The following RABGAP1L variants were observed in gnomAD, a reference collection of about 807,000 sequenced individuals.
RABGAP1L encodes rab GTPase-activating protein 1-like.
Under a neutral mutation model 137.7 loss-of-function variants are expected in RABGAP1L, and 63 were observed. The observed-to-expected ratio is 0.46, with a 90% confidence interval of 0.37 to 0.56. The LOEUF is 0.56. RABGAP1L is among the 20% of genes least tolerant of loss of function. RABGAP1L has a pLI of 0.00. For synonymous variants in RABGAP1L, 431 were observed against 433.7 expected (o/e 0.99, Z 0.08); for missense variants, 1,095 against 1,244.0 (o/e 0.88, Z 1.80).
chr1:174,406,163 ACTGT>A (rs1483725457), intron 13 of RABGAP1L, among the ~76,000 whole-genome samples: 3 of 152,086 alleles, frequency 2.0e-5, no homozygotes, highest in Admixed American at 6.5e-5. Flanking sequence ...TCTTTCATTT[ACTGT>A]CTGTCTATAG....
At chr1:174,393,934 G>T in intron 12 of RABGAP1L, 61 bp from the exon 13 acceptor site, 2 of 1,555,382 alleles carry the variant, frequency 1.3e-6, no homozygotes, top group South Asian at 2.4e-5. Context: ...TACTTTTCAT[G>T]GCAACAGCAG....
At position 174,993,907 on chromosome 1, in the gene RABGAP1L, T is replaced by C. The variant is rs1399968320; in HGVS notation, c.*3906T>C. On this transcript the variant is annotated 3_prime_UTR_variant, in exon 26 of 26. Coordinates refer to ENST00000681986, the MANE Select transcript of RABGAP1L (RefSeq NM_001366446.1). ...TTGTATGATTTGAACACTATTAGGTTTGTATGTGTGTTTAATTGGAAGAAT... is the reference window on the plus strand; with the variant it reads ...TTGTATGATTTGAACACTATTAGGTCTGTATGTGTGTTTAATTGGAAGAAT... 6.6e-6 allele frequency: 1 copy of C among 152,180 alleles called. No individual in the cohort carries two copies. The highest frequency in any genetic ancestry group is 1.9e-4 in the East Asian group (1 of 5,200). The allele number at this position is 152,180 out of a possible 1,614,324, so 9.4% of individuals were successfully genotyped here.
intron 13 of RABGAP1L, among the ~76,000 whole-genome samples, chr1:174,562,932 A>G (rs2148022702): frequency 6.6e-6 from 1 of 152,278 alleles, no homozygotes; most frequent in African/African-American, 2.4e-5. Context: ...GCAGCAAACC[A>G]CTATGGCACG....
intron 12 of RABGAP1L, among the ~76,000 whole-genome samples, chr1:174,388,081 A>C (rs1161025906): frequency 1.3e-5 from 2 of 152,120 alleles, no homozygotes; most frequent in Admixed American, 6.5e-5. Context: ...AGGCATTTAC[A>C]TATAGACATT....
intron 11 of RABGAP1L, among the ~76,000 whole-genome samples, chr1:174,308,293 G>A (rs888570924): frequency 6.6e-6 from 1 of 151,924 alleles, no homozygotes; most frequent in Admixed American, 6.6e-5. Context: ...GTTATGAGAT[G>A]TGTGATTTGC....
chr1:174,175,623 CTTTTTTTTT>C (rs770897839), intron 1 of RABGAP1L, among the ~76,000 whole-genome samples: 1 of 122,354 alleles, frequency 8.2e-6, no homozygotes, highest in Non-Finnish European at 1.7e-5. Context: ...CGCCCGGCTA[CTTTTTTTTT>C]TTTTTTTTTT....
At chr1:174,524,464 T>C (rs1008602418) in intron 13 of RABGAP1L, among the ~76,000 whole-genome samples, 4 of 152,138 alleles carry the variant, frequency 2.6e-5, no homozygotes, top group African/African-American at 9.7e-5. Context: ...TTGAGAATTG[T>C]CTATTTGTGT....
chr1:174,756,902 T>A, intron 18 of RABGAP1L: 5 of 690,130 alleles, frequency 7.2e-6, no homozygotes, highest in South Asian at 6.8e-5. Flanking sequence ...GTCCTGGGAC[T>A]GCTTGGCATT....
At chr1:174,559,913 A>G (rs1186500938) in intron 13 of RABGAP1L, among the ~76,000 whole-genome samples, 1 of 152,154 alleles carries the variant, frequency 6.6e-6, no homozygotes, top group Non-Finnish European at 1.5e-5. Context: ...AGGAGGGCAG[A>G]TCATGAGGTC....
At chr1:174,755,264 T>G (rs1370869607) in intron 18 of RABGAP1L, among the ~76,000 whole-genome samples, 1 of 152,224 alleles carries the variant, frequency 6.6e-6, no homozygotes, top group Non-Finnish European at 1.5e-5. Context: ...AAAAGAATGA[T>G]TCACAATACT....
At chr1:174,472,609 C>T (rs1308216857) in intron 13 of RABGAP1L, among the ~76,000 whole-genome samples, 1 of 152,192 alleles carries the variant, frequency 6.6e-6, no homozygotes, top group South Asian at 2.1e-4. Flanking sequence ...TTAAGTTGCA[C>T]AGGATGAGCT....
At chr1:174,445,959 A>C (rs192084472) in intron 13 of RABGAP1L, among the ~76,000 whole-genome samples, 2 of 152,320 alleles carry the variant, frequency 1.3e-5, no homozygotes. Context: ...TAAGTCTATA[A>C]GCCTGCATGT....
At chr1:174,359,114 T>G (rs1159389026) in intron 11 of RABGAP1L, among the ~76,000 whole-genome samples, 3 of 152,128 alleles carry the variant, frequency 2.0e-5, no homozygotes, top group Non-Finnish European at 2.9e-5. Context: ...ATACAGTTGC[T>G]TTTTCAAAAC....
At chr1:174,508,799 T>C (rs1200479519) in intron 13 of RABGAP1L, among the ~76,000 whole-genome samples, 1 of 152,168 alleles carries the variant, frequency 6.6e-6, no homozygotes, top group Non-Finnish European at 1.5e-5. Context: ...GAAATAATGA[T>C]ATTAAAAACA....
intron 20 of RABGAP1L, among the ~76,000 whole-genome samples, chr1:174,968,517 CTT>C (rs1669847667): frequency 1.5e-5 from 2 of 137,708 alleles, no homozygotes; most frequent in African/African-American, 5.5e-5. Context: ...TTTTTTCTTT[CTT>C]TTTGTTTGTT....
chr1:174,611,565 T>G (rs889611520), intron 13 of RABGAP1L, among the ~76,000 whole-genome samples: 1 of 149,552 alleles, frequency 6.7e-6, no homozygotes, highest in East Asian at 1.9e-4. Context: ...ATATGAACTT[T>G]AAAGTAGTTT....
intron 13 of RABGAP1L, among the ~76,000 whole-genome samples, chr1:174,613,025 T>C (rs868674030): frequency 0.015 from 2,278 of 151,768 alleles, 31 homozygotes; most frequent in South Asian, 0.024. Context: ...ATTCATTAAT[T>C]TTTTGAAGGG....
chr1:174,921,365 C>G (rs1217470716), intron 19 of RABGAP1L, among the ~76,000 whole-genome samples: 1 of 152,116 alleles, frequency 6.6e-6, no homozygotes, highest in Non-Finnish European at 1.5e-5. Context: ...TTCCCATTGC[C>G]CTCTCTCTTA....
At chr1:174,369,322 T>C (rs1046141910) in intron 11 of RABGAP1L, among the ~76,000 whole-genome samples, 1 of 152,146 alleles carries the variant, frequency 6.6e-6, no homozygotes, top group African/African-American at 2.4e-5. Flanking sequence ...CCTGAGTAGC[T>C]GGGACTATAG....
Sources: gnomAD v4.1 joint callset for allele counts (sites outside exome capture counted in the v4.1 genomes callset) on GRCh38, gnomAD v4.1.1 for gene constraint, MANE v1.5 for transcripts, NCBI Gene and HGNC (gene_info 2026-07-23, HGNC 2026-07-21) for gene names.